LRCH1: variants seen among roughly 807,000 people sequenced by gnomAD.
LRCH1 encodes leucine rich repeats and calponin homology domain containing 1.
In LRCH1, 23 loss-of-function variants were observed where a neutral mutation model predicts 94.9. The observed-to-expected ratio is 0.24, with a 90% confidence interval of 0.17 to 0.34. The LOEUF (loss-of-function observed/expected upper bound fraction) is 0.34, where lower values mean the gene tolerates loss of function less well. Ranked by LOEUF, LRCH1 falls within the 10% of genes least tolerant of loss-of-function variation. The pLI is 1.00. For synonymous variants in LRCH1, 364 were observed against 354.9 expected, an observed-to-expected ratio of 1.03 and a Z score of -0.29; for missense variants, 790 against 945.9, an observed-to-expected ratio of 0.84 and a Z score of 2.16.
chr13:46,562,192 T>C (rs968410655), intron 1 of LRCH1, among the ~76,000 whole-genome samples: 8 of 152,246 alleles, frequency 5.3e-5, no homozygotes, highest in African/African-American at 1.9e-4. Context: ...GCTCAGATTT[T>C]CCTGTGAGAG....
At chr13:46,554,302 C>G (rs1326496984) in intron 1 of LRCH1, among the ~76,000 whole-genome samples, 1 of 152,204 alleles carries the variant, frequency 6.6e-6, no homozygotes, top group East Asian at 1.9e-4. Context: ...GTGAGGTGCC[C>G]AAGTTTCCTC....
At position 46,649,433 on chromosome 13, in the gene LRCH1, G is replaced by T. The variant is rs2051263720; in HGVS notation, c.308-768G>T. On this transcript the variant is annotated intron_variant, in intron 1 of 19. Coordinates refer to ENST00000389797, the MANE Select transcript of LRCH1 (RefSeq NM_001164211.2). ...ATTGCATAATCTTATCATCAGGATGGTAATACTGTAGGCCGTACTGTATGA... is the reference window on the plus strand; with the variant it reads ...ATTGCATAATCTTATCATCAGGATGTTAATACTGTAGGCCGTACTGTATGA... Among the ~76,000 whole-genome samples, 6 of 152,098 alleles carry T rather than the reference G, an allele frequency of 3.9e-5. No homozygotes were observed. In the South Asian group the frequency reaches 1.0e-3, roughly 26 times the overall value.
intron 16 of LRCH1, among the ~76,000 whole-genome samples, chr13:46,720,480 G>A (rs1427874978): frequency 6.6e-6 from 1 of 151,692 alleles, no homozygotes; most frequent in African/African-American, 2.4e-5. Flanking sequence ...TTTTTCTTAT[G>A]TACACTTCAA....
intron 1 of LRCH1, among the ~76,000 whole-genome samples, chr13:46,586,703 G>A (rs2050439345): frequency 1.3e-5 from 2 of 152,196 alleles, no homozygotes; most frequent in African/African-American, 4.8e-5. Context: ...ACAGGCGTGA[G>A]CCACCATGCC....
chr13:46,616,291 C>T (rs569567800), intron 1 of LRCH1, among the ~76,000 whole-genome samples: 11 of 152,260 alleles, frequency 7.2e-5, no homozygotes, highest in African/African-American at 2.6e-4. Flanking sequence ...AAACCAGAAA[C>T]AGAGCCCTGT....
Position 46,744,279 on chromosome 13 carries a change from C to T in LRCH1, c.*2431C>T, listed in dbSNP as rs1873810871. On this transcript the variant is annotated 3_prime_UTR_variant, in exon 20 of 20. Transcript: ENST00000389797. ...GTTTATTGTGCTGACCAAATCTCCT[C>T]CTCACAAGAAAGACCGTTTTTTCAG... The T allele has an allele frequency of 2.0e-6, 2 of 981,402 alleles. No individual in the cohort carries two copies. Among genetic ancestry groups the T allele is most frequent in the Non-Finnish European group, 2.4e-6 (2 of 829,902 alleles). 60.8% of individuals were successfully genotyped at this position (981,402 alleles called of 1,614,324 possible).
At chr13:46,646,464 G>A (rs1333321608) in intron 1 of LRCH1, among the ~76,000 whole-genome samples, 1 of 152,142 alleles carries the variant, frequency 6.6e-6, no homozygotes, top group Non-Finnish European at 1.5e-5. Context: ...AGTTTCTTGT[G>A]TAGCTTTCCA....
chr13:46,738,689 C>A (rs1025888851), intron 19 of LRCH1, among the ~76,000 whole-genome samples: 8 of 152,086 alleles, frequency 5.3e-5, no homozygotes, highest in African/African-American at 1.7e-4. Flanking sequence ...GGATGAGATT[C>A]TTATTACAAG....
chr13:46,749,952 A>C (rs1874058688), intron 18 of LRCH1, among the ~76,000 whole-genome samples: 1 of 152,206 alleles, frequency 6.6e-6, no homozygotes, highest in African/African-American at 2.4e-5. Context: ...TGTGTCTTTG[A>C]CAGTTTTATG....
chr13:46,600,949 C>T (rs1886964), intron 1 of LRCH1, among the ~76,000 whole-genome samples: 129,445 of 152,218 alleles, frequency 0.85, 55,205 homozygotes, highest in East Asian at 0.92. Context: ...TATTCAGTTA[C>T]TCAGTTTCAC....
chr13:46,559,878 C>CT (rs1594243419), intron 1 of LRCH1, among the ~76,000 whole-genome samples: 3 of 151,924 alleles, frequency 2.0e-5, no homozygotes, highest in East Asian at 3.9e-4. Flanking sequence ...TTGACTGAGA[C>CT]TTTTTTTTGT....
chr13:46,587,724 C>T (rs1322357109), intron 1 of LRCH1, among the ~76,000 whole-genome samples: 1 of 152,138 alleles, frequency 6.6e-6, no homozygotes, highest in African/African-American at 2.4e-5. Flanking sequence ...TGCCCCTGGT[C>T]TGGTTTTGTT....
rs529535961 is a variant in LRCH1, at chr13:46,652,072, T to G, written c.452+1727T>G. Among the ~76,000 whole-genome samples, 31 of 130,238 alleles carry G rather than the reference T, an allele frequency of 2.4e-4. 3 individuals carry two copies. The highest frequency in any genetic ancestry group is 4.6e-4 in the East Asian group (2 of 4,348). The allele number at this position is 130,238 out of a possible 152,430, so 85.4% of individuals were successfully genotyped here. ...CTGCTGATGTTTTTTTTTTTTTTTT[T>G]TTTGTTTTGTTTTGTTTGTTTTGAG... On this transcript the variant is annotated intron_variant, in intron 2 of 19. Coordinates refer to ENST00000389797, the MANE Select transcript of LRCH1 (RefSeq NM_001164211.2).
At chr13:46,574,989 G>A (rs577878107) in intron 1 of LRCH1, among the ~76,000 whole-genome samples, 88 of 152,152 alleles carry the variant, frequency 5.8e-4, no homozygotes, top group Non-Finnish European at 1.3e-4. Context: ...GTATCTATAA[G>A]CACATTCTGG....
At chr13:46,623,224 A>C (rs1341691336) in intron 1 of LRCH1, among the ~76,000 whole-genome samples, 1 of 151,984 alleles carries the variant, frequency 6.6e-6, no homozygotes, top group Non-Finnish European at 1.5e-5. Flanking sequence ...CTTGGGAGCA[A>C]TTTTTTATTG....
chr13:46,666,873 G>T (rs1485109942), intron 2 of LRCH1, among the ~76,000 whole-genome samples: 1 of 152,152 alleles, frequency 6.6e-6, no homozygotes, highest in East Asian at 1.9e-4. Context: ...GCCCCTGCTG[G>T]TGAGAGAGAG....
chr13:46,634,066 GAC>G (rs2051052111), intron 1 of LRCH1, among the ~76,000 whole-genome samples: 2 of 151,944 alleles, frequency 1.3e-5, no homozygotes, highest in African/African-American at 4.8e-5. Context: ...TTTTAGTAGA[GAC>G]GGGGTTTCAC....
chr13:46,621,834 A>G (rs2050883507), intron 1 of LRCH1, among the ~76,000 whole-genome samples: 1 of 152,050 alleles, frequency 6.6e-6, no homozygotes, highest in Non-Finnish European at 1.5e-5. Flanking sequence ...ATAACAAAAA[A>G]GAAGTCATCA....
chr13:46,597,517 C>T (rs549903171), intron 1 of LRCH1, among the ~76,000 whole-genome samples: 72 of 152,186 alleles, frequency 4.7e-4, no homozygotes, highest in African/African-American at 1.5e-3. Context: ...CCACCACGCC[C>T]GGCTAATTTT....
Sources: allele counts gnomAD v4.1 joint callset (sites outside exome capture counted in the v4.1 genomes callset), GRCh38; gene constraint gnomAD v4.1.1; transcripts MANE v1.5; gene names NCBI Gene and HGNC (gene_info 2026-07-23, HGNC 2026-07-21).